DDX10: variants seen among roughly 807,000 people sequenced by gnomAD.
DDX10 encodes DEAD-box helicase 10.
Under a neutral mutation model 104.3 loss-of-function variants are expected in DDX10, and 74 were observed. The observed-to-expected ratio is 0.71, with a 90% CI of 0.59 to 0.86. DDX10 has a LOEUF of 0.86. DDX10 is among the 40% of genes least tolerant of loss of function. The pLI is 0.00. For missense variants in DDX10, 952 were observed against 1,040.0 expected, an observed-to-expected ratio of 0.92 and a Z score of 1.16; for synonymous variants, 351 against 353.4, an observed-to-expected ratio of 0.99 and a Z score of 0.08.
chr11:108,697,138 T>C (rs1296340256), intron 9 of DDX10, among the ~76,000 whole-genome samples: 1 of 152,154 alleles, frequency 6.6e-6, no homozygotes, highest in Non-Finnish European at 1.5e-5. Flanking sequence ...AGCACAAGCC[T>C]GTTTGACCTT....
chr11:108,720,077 T>A (rs1453887806), intron 12 of DDX10, among the ~76,000 whole-genome samples, 192 bp downstream of exon 12: 1 of 152,168 alleles, frequency 6.6e-6, no homozygotes. Flanking sequence ...CAGAGAGAAT[T>A]TGTTTGAAAC....
At chr11:108,911,827 G>C (rs1424855459) in intron 16 of DDX10, among the ~76,000 whole-genome samples, 1 of 152,096 alleles carries the variant, frequency 6.6e-6, no homozygotes, top group East Asian at 1.9e-4. Context: ...CTCCAAAAAA[G>C]CTTTGCCTCT....
At chr11:108,761,168 C>T (rs566510302) in intron 13 of DDX10, among the ~76,000 whole-genome samples, 3 of 152,118 alleles carry the variant, frequency 2.0e-5, no homozygotes, top group Non-Finnish European at 4.4e-5. Flanking sequence ...CTTTTCTTTT[C>T]CTAATGGCAA....
chr11:108,716,033 A>G, intron 11 of DDX10, 67 bp downstream of exon 11: 4 of 866,014 alleles, frequency 4.6e-6, no homozygotes, highest in Non-Finnish European at 5.7e-6. Context: ...ATTTTCTGCT[A>G]CTTCTAGGTT....
chr11:108,686,234 C>T (rs2094243862), intron 6 of DDX10, among the ~76,000 whole-genome samples: 1 of 152,120 alleles, frequency 6.6e-6, no homozygotes, highest in South Asian at 2.1e-4. Context: ...AATGGATGGA[C>T]CTATGTTTTT....
At chr11:108,777,547 T>C (rs2094371697) in intron 13 of DDX10, among the ~76,000 whole-genome samples, 1 of 152,128 alleles carries the variant, frequency 6.6e-6, no homozygotes, top group Admixed American at 6.6e-5. Context: ...GGTCTCGAAC[T>C]CCTGACTTCA....
chr11:108,905,759 C>T (rs1453050000), intron 16 of DDX10, among the ~76,000 whole-genome samples: 6 of 152,060 alleles, frequency 3.9e-5, no homozygotes, highest in Admixed American at 6.5e-5. Context: ...AAAAAAATAC[C>T]TGAGACTTGG....
At chr11:108,750,309 G>T (rs1453609616) in intron 13 of DDX10, among the ~76,000 whole-genome samples, 1 of 152,168 alleles carries the variant, frequency 6.6e-6, no homozygotes, top group African/African-American at 2.4e-5. Flanking sequence ...AAATAGGCAG[G>T]TGTGATTTAA....
chr11:108,733,899 T>C (rs2094315294), intron 13 of DDX10, among the ~76,000 whole-genome samples: 2 of 152,146 alleles, frequency 1.3e-5, no homozygotes, highest in African/African-American at 4.8e-5. Flanking sequence ...TTTTGTAAGC[T>C]AGCCCCTATC....
intron 13 of DDX10, among the ~76,000 whole-genome samples, chr11:108,754,664 G>A (rs551705049): frequency 2.3e-4 from 35 of 152,054 alleles, no homozygotes; most frequent in South Asian, 6.2e-4. Context: ...TATATGAGAG[G>A]AAGAATGGTA....
At chr11:108,800,675 AAC>A (rs1313409652) in intron 13 of DDX10, among the ~76,000 whole-genome samples, 368 of 152,294 alleles carry the variant, frequency 2.4e-3, no homozygotes, top group African/African-American at 8.5e-3. Context: ...CAATATGGGA[AAC>A]TATTGTTTCC....
At chr11:108,690,580 C>T (rs574906689) in intron 7 of DDX10, 1 of 155,590 alleles carries the variant, frequency 6.4e-6, no homozygotes, top group African/African-American at 2.4e-5. Context: ...GTGGCTACCT[C>T]CTTGGAGCAC....
intron 13 of DDX10, among the ~76,000 whole-genome samples, chr11:108,789,580 T>C (rs1861843125): frequency 6.6e-6 from 1 of 152,234 alleles, no homozygotes; most frequent in Non-Finnish European, 1.5e-5. Flanking sequence ...AGTGACATCA[T>C]TCTTGTCTGG....
At chr11:108,673,202 G>T (rs939040683) in intron 1 of DDX10, among the ~76,000 whole-genome samples, 1 of 152,018 alleles carries the variant, frequency 6.6e-6, no homozygotes, top group Admixed American at 6.6e-5. Flanking sequence ...ACATTTTGGA[G>T]GTCAGATAGT....
In DDX10 at chr11:108,845,756, A is replaced by AT. The variant is rs201923134; in HGVS notation, c.2247+4288dup. On this transcript the variant is annotated intron_variant, in intron 15 of 17. Transcript: ENST00000322536. ...TGTAAAAGATTTTGTAAGCCTTGGCATTTTTTTTCAGCATGTTCAAAATAT... is the reference window on the plus strand; with the variant it reads ...TGTAAAAGATTTTGTAAGCCTTGGCATTTTTTTTTCAGCATGTTCAAAATAT... 9.4e-3 allele frequency among the ~76,000 whole-genome samples: 1,430 copies of AT among 152,020 alleles called. 29 individuals carry two copies. The highest frequency in any genetic ancestry group is 0.01 in the Middle Eastern group (3 of 294).
intron 13 of DDX10, among the ~76,000 whole-genome samples, chr11:108,837,637 T>TTTTTTA: frequency 7.8e-6 from 1 of 127,894 alleles, no homozygotes; most frequent in Non-Finnish European, 1.6e-5. Flanking sequence ...TTTTTTTTTT[T>TTTTTTA]TTTTTAGGCA....
chr11:108,929,161 A>G (rs1364733160), intron 17 of DDX10, among the ~76,000 whole-genome samples: 2 of 152,252 alleles, frequency 1.3e-5, no homozygotes, highest in African/African-American at 4.8e-5. Flanking sequence ...GCAATAAAGA[A>G]GAGATACTGG....
intron 16 of DDX10, among the ~76,000 whole-genome samples, chr11:108,914,527 T>G (rs1863720187): frequency 6.6e-6 from 1 of 152,158 alleles, no homozygotes; most frequent in Non-Finnish European, 1.5e-5. Flanking sequence ...GAGTCTGCAG[T>G]TTTAATCTAG....
chr11:108,800,442 C>CAA (rs61200843), intron 13 of DDX10, among the ~76,000 whole-genome samples: 26 of 94,408 alleles, frequency 2.8e-4, no homozygotes, highest in African/African-American at 9.3e-4. Context: ...GAGACTCTTT[C>CAA]AAAAAAAAAA....
Sources: gnomAD v4.1 joint callset for allele counts (sites outside exome capture counted in the v4.1 genomes callset) on GRCh38, gnomAD v4.1.1 for gene constraint, MANE v1.5 for transcripts, NCBI Gene and HGNC (gene_info 2026-07-23, HGNC 2026-07-21) for gene names.